The following KCNIP1 variants were observed in gnomAD, a reference collection of about 807,000 sequenced individuals.
The protein encoded by KCNIP1 is potassium voltage-gated channel interacting protein 1.
A neutral mutation model predicts 33.0 loss-of-function variants in KCNIP1; 18 were observed. That is an observed-to-expected ratio of 0.55 (90% CI 0.38 to 0.81). The LOEUF is 0.81. Among genes scored for constraint, KCNIP1 ranks in the 30% least tolerant of loss-of-function variants. The pLI, the probability that KCNIP1 is intolerant of heterozygous loss-of-function variation, is 0.00. For missense variants in KCNIP1, 238 were observed against 271.6 expected, an observed-to-expected ratio of 0.88 and a Z score of 0.87; for synonymous variants, 93 against 98.3, an observed-to-expected ratio of 0.95 and a Z score of 0.32.
chr5:170,462,352 C>T (rs1019552724), intron 1 of KCNIP1, among the ~76,000 whole-genome samples: 1 of 142,500 alleles, frequency 7.0e-6, no homozygotes, highest in Non-Finnish European at 1.5e-5. Flanking sequence ...AGAAGATATA[C>T]AAATGGCCAA....
At chr5:170,485,876 C>G (rs576622236) in intron 1 of KCNIP1, 1 of 152,488 alleles carries the variant, frequency 6.6e-6, no homozygotes, top group South Asian at 2.1e-4. Flanking sequence ...CTAGACTCAG[C>G]ATCATCAAGA....
At chr5:170,390,393 C>G (rs1178563699) in intron 1 of KCNIP1, among the ~76,000 whole-genome samples, 2 of 150,762 alleles carry the variant, frequency 1.3e-5, no homozygotes, top group Non-Finnish European at 3.0e-5. Context: ...GTGGTCCCAG[C>G]TACTTGGGAG....
chr5:170,554,625 C>G (rs1227745591), intron 1 of KCNIP1, among the ~76,000 whole-genome samples: 1 of 152,194 alleles, frequency 6.6e-6, no homozygotes, highest in Non-Finnish European at 1.5e-5. Flanking sequence ...ATTCACCAGC[C>G]ATGGCCAGAC....
At chr5:170,730,140 A>G (rs993618825) in intron 5 of KCNIP1, among the ~76,000 whole-genome samples, 8 of 152,258 alleles carry the variant, frequency 5.3e-5, no homozygotes, top group Middle Eastern at 3.4e-3. Flanking sequence ...TCAATTTTAT[A>G]AACAACTAAA....
chr5:170,583,610 A>G (rs1373585149), intron 1 of KCNIP1, among the ~76,000 whole-genome samples: 1 of 152,208 alleles, frequency 6.6e-6, no homozygotes, highest in Admixed American at 6.5e-5. Context: ...GTTCTTCAAA[A>G]TCCATTGTTT....
intron 1 of KCNIP1, chr5:170,378,618 G>C (rs1764102261): frequency 7.3e-7 from 1 of 1,368,204 alleles, no homozygotes; most frequent in South Asian, 1.4e-5. Context: ...AGGTGGAGAA[G>C]GCATTGTGCT....
intron 1 of KCNIP1, among the ~76,000 whole-genome samples, chr5:170,623,233 G>A (rs540644888): frequency 9.3e-5 from 14 of 149,816 alleles, no homozygotes; most frequent in Middle Eastern, 3.5e-3. Flanking sequence ...TTTTTTTTGA[G>A]ATGGAGTTTC....
At chr5:170,728,262 GAAGAAAAGATGAGGC>G (rs1417565334) in intron 5 of KCNIP1, among the ~76,000 whole-genome samples, 1 of 152,190 alleles carries the variant, frequency 6.6e-6, no homozygotes, top group African/African-American at 2.4e-5. Flanking sequence ...AAAAGATGAT[GAAGAAAAGATGAGGC>G]AAGAAAAGAT....
intron 2 of KCNIP1, among the ~76,000 whole-genome samples, chr5:170,719,466 T>C (rs907039935): frequency 5.3e-5 from 8 of 152,348 alleles, no homozygotes; most frequent in African/African-American, 1.9e-4. Context: ...TCAGGCCAGT[T>C]TGAGAGCTCT....
chr5:170,636,427 G>A (rs1760284516), intron 1 of KCNIP1, among the ~76,000 whole-genome samples: 1 of 152,180 alleles, frequency 6.6e-6, no homozygotes, highest in Non-Finnish European at 1.5e-5. Context: ...GGGTGGCCGA[G>A]GAGGGGCCCG....
chr5:170,722,606 G>A (rs750869470), intron 4 of KCNIP1, 107 bp from the exon 5 acceptor site: 110 of 772,244 alleles, frequency 1.4e-4, no homozygotes, highest in East Asian at 3.2e-4. Context: ...ACAAGAGGAC[G>A]CAGGAGGCAC....
chr5:170,583,138 A>G (rs1757860602), intron 1 of KCNIP1, among the ~76,000 whole-genome samples: 1 of 152,146 alleles, frequency 6.6e-6, no homozygotes, highest in South Asian at 2.1e-4. Context: ...TCTTCCTGAC[A>G]TCGCTGCTTT....
intron 1 of KCNIP1, among the ~76,000 whole-genome samples, chr5:170,552,715 T>C (rs1216499341): frequency 6.6e-6 from 1 of 152,144 alleles, no homozygotes; most frequent in African/African-American, 2.4e-5. Flanking sequence ...GCGAAGGAAG[T>C]GGATTCTATC....
chr5:170,727,445 G>A (rs932917082), intron 5 of KCNIP1, among the ~76,000 whole-genome samples: 1 of 152,144 alleles, frequency 6.6e-6, no homozygotes, highest in Admixed American at 6.6e-5. Flanking sequence ...GGGTGAATTT[G>A]TTATAAGTAA....
At chr5:170,396,777 A>C (rs944668409) in intron 1 of KCNIP1, among the ~76,000 whole-genome samples, 8 of 152,242 alleles carry the variant, frequency 5.3e-5, no homozygotes, top group Non-Finnish European at 1.0e-4. Flanking sequence ...GGCTTCAGAA[A>C]GAATAAATGA....
intron 1 of KCNIP1, among the ~76,000 whole-genome samples, chr5:170,366,243 G>A (rs975752417): frequency 1.3e-5 from 2 of 152,132 alleles, no homozygotes; most frequent in Non-Finnish European, 2.9e-5. Flanking sequence ...ACTCTCCTAC[G>A]GATGAAAAAA....
intron 1 of KCNIP1, among the ~76,000 whole-genome samples, chr5:170,514,451 A>G (rs1274282500): frequency 2.0e-5 from 3 of 152,196 alleles, no homozygotes; most frequent in African/African-American, 7.2e-5. Context: ...CTCTTTGCAT[A>G]CATCCAGCCC....
intron 1 of KCNIP1, among the ~76,000 whole-genome samples, chr5:170,601,499 T>G (rs1000729064): frequency 1.6e-4 from 24 of 152,184 alleles, no homozygotes; most frequent in African/African-American, 5.8e-4. Flanking sequence ...GCAGTTTATC[T>G]GTTCAGGGCT....
rs116411378 is a variant in KCNIP1 at position 170,394,028 on chromosome 5, A to T, written c.88+40064A>T. On this transcript the variant is annotated intron_variant, in intron 1 of 7. Coordinates refer to the KCNIP1 transcript ENST00000377360. The stretch of plus-strand genomic sequence containing the variant: ...TGGAAGTGCAGGGAGAAGATGAGGT[A>T]CAGTGTTAGCCTCACTGCTCAGAGA... 5.6e-3 allele frequency among the ~76,000 whole-genome samples: 848 copies of T among 152,322 alleles called. 5 individuals carry two copies. The highest frequency in any genetic ancestry group is 0.02 in the African/African-American group (813 of 41,576).
Sources: gnomAD v4.1 joint callset for allele counts (sites outside exome capture counted in the v4.1 genomes callset) on GRCh38, gnomAD v4.1.1 for gene constraint, MANE v1.5 for transcripts, NCBI Gene and HGNC (gene_info 2026-07-23, HGNC 2026-07-21) for gene names.